Variants in SLC9A9 observed in about 807,000 individuals in gnomAD.
SLC9A9 encodes the protein solute carrier family 9 member A9.
Under a neutral mutation model 77.8 loss-of-function variants are expected in SLC9A9, and 62 were observed. The ratio of observed to expected loss-of-function variants is 0.80; its 90% CI spans 0.65 to 0.98. The LOEUF is 0.98. SLC9A9 is among the 50% of genes least tolerant of loss of function. The pLI, the probability that SLC9A9 is intolerant of heterozygous loss-of-function variation, is 0.00. For missense variants in SLC9A9, 775 were observed against 774.9 expected, an observed-to-expected ratio of 1.00 and a Z score of 0.00; for synonymous variants, 320 against 283.5, an observed-to-expected ratio of 1.13 and a Z score of -1.29.
chr3:143,695,619 A>G (rs995558322), intron 4 of SLC9A9, among the ~76,000 whole-genome samples: 2 of 152,134 alleles, frequency 1.3e-5, no homozygotes, highest in African/African-American at 2.4e-5. Context: ...AGTCTTTGCT[A>G]TCGTGAATAA....
chr3:143,336,750 G>C (rs1412309872), intron 14 of SLC9A9, among the ~76,000 whole-genome samples: 1 of 152,116 alleles, frequency 6.6e-6, no homozygotes, highest in Non-Finnish European at 1.5e-5. Context: ...GGGGGAAATG[G>C]GGAATTGTTC....
At chr3:143,295,018 G>C (rs1377022340) in intron 14 of SLC9A9, among the ~76,000 whole-genome samples, 1 of 152,210 alleles carries the variant, frequency 6.6e-6, no homozygotes, top group Admixed American at 6.5e-5. Flanking sequence ...TAGTGATTTA[G>C]AAAAAGCTGA....
At chr3:143,695,710 C>T (rs192537617) in intron 4 of SLC9A9, among the ~76,000 whole-genome samples, 1 of 152,210 alleles carries the variant, frequency 6.6e-6, no homozygotes, top group East Asian at 1.9e-4. Context: ...AATGGGATTG[C>T]TGGGTCAAAT....
chr3:143,827,662 C>G (rs2009334006), intron 2 of SLC9A9, among the ~76,000 whole-genome samples: 1 of 152,170 alleles, frequency 6.6e-6, no homozygotes, highest in Non-Finnish European at 1.5e-5. Flanking sequence ...TACACGTGCT[C>G]TTATAAAATC....
intron 5 of SLC9A9, among the ~76,000 whole-genome samples, chr3:143,684,482 A>G (rs1009243644): frequency 1.3e-5 from 2 of 152,078 alleles, no homozygotes; most frequent in South Asian, 4.1e-4. Flanking sequence ...GAGTCTACCC[A>G]ATTTAGGAAC....
chr3:143,693,394 C>T, intron 4 of SLC9A9, 87 bp from the exon 5 acceptor site: 1 of 1,068,830 alleles, frequency 9.4e-7, no homozygotes, highest in Non-Finnish European at 1.4e-6. Flanking sequence ...TAATGTTTTT[C>T]CTGAATACGT....
chr3:143,824,608 A>C (rs1252921138), intron 2 of SLC9A9, among the ~76,000 whole-genome samples: 3 of 152,192 alleles, frequency 2.0e-5, no homozygotes, highest in African/African-American at 7.2e-5. Context: ...GTTAAACCCC[A>C]TGAGCACAAG....
At chr3:143,606,436 C>CTCTCTCTCTATATATATATA (rs1419410834) in intron 6 of SLC9A9, among the ~76,000 whole-genome samples, 43 of 54,204 alleles carry the variant, frequency 7.9e-4, no homozygotes, top group African/African-American at 2.8e-3. Flanking sequence ...CTCTCTCTCT[C>CTCTCTCTCTATATATATATA]TATATATATA....
intron 9 of SLC9A9, among the ~76,000 whole-genome samples, chr3:143,522,143 C>A (rs1038820212): frequency 1.3e-5 from 2 of 152,138 alleles, no homozygotes; most frequent in Non-Finnish European, 2.9e-5. Flanking sequence ...AAACCACAAA[C>A]CTCATAGTCA....
At chr3:143,358,551 C>T (rs555795938) in intron 14 of SLC9A9, among the ~76,000 whole-genome samples, 42 of 152,180 alleles carry the variant, frequency 2.8e-4, no homozygotes, top group African/African-American at 8.4e-4. Context: ...TTTATACACA[C>T]GTTTAAGGGG....
chr3:143,505,032 G>A (rs1372582417), intron 9 of SLC9A9, among the ~76,000 whole-genome samples: 2 of 152,128 alleles, frequency 1.3e-5, no homozygotes, highest in Non-Finnish European at 2.9e-5. Flanking sequence ...CAAGTCAGGG[G>A]TTGGCAGGGA....
chr3:143,695,776 G>C (rs1051959309), intron 4 of SLC9A9, among the ~76,000 whole-genome samples: 1 of 152,110 alleles, frequency 6.6e-6, no homozygotes, highest in East Asian at 1.9e-4. Flanking sequence ...CACAGTGGTT[G>C]AACTAATTTA....
At chr3:143,312,980 A>G (rs944507794) in intron 14 of SLC9A9, 3 of 152,246 alleles carry the variant, frequency 2.0e-5, no homozygotes, top group African/African-American at 7.2e-5. Flanking sequence ...AAGAAAGCTA[A>G]CTAATTCCTC....
intron 5 of SLC9A9, among the ~76,000 whole-genome samples, chr3:143,689,901 C>T (rs1933403273): frequency 6.6e-6 from 1 of 151,964 alleles, no homozygotes; most frequent in Non-Finnish European, 1.5e-5. Flanking sequence ...GTAAAGGAGA[C>T]AGGGAGAGAA....
chr3:143,672,192 T>A (rs2039166316), intron 5 of SLC9A9, among the ~76,000 whole-genome samples: 1 of 151,916 alleles, frequency 6.6e-6, no homozygotes, highest in Non-Finnish European at 1.5e-5. Context: ...CTTAAATTTT[T>A]TTTTTGTCTG....
At chr3:143,339,117 G>A (rs1183753689) in intron 14 of SLC9A9, among the ~76,000 whole-genome samples, 1 of 152,130 alleles carries the variant, frequency 6.6e-6, no homozygotes, top group East Asian at 1.9e-4. Flanking sequence ...CAGCTTTTGA[G>A]GGATGGAATT....
chr3:143,520,450 G>C (rs2036277747), intron 9 of SLC9A9, among the ~76,000 whole-genome samples: 1 of 152,200 alleles, frequency 6.6e-6, no homozygotes, highest in African/African-American at 2.4e-5. Flanking sequence ...CTTGGATTTA[G>C]AGTATAGAAA....
At chr3:143,694,513 T>C (rs1933570622) in intron 4 of SLC9A9, among the ~76,000 whole-genome samples, 1 of 152,172 alleles carries the variant, frequency 6.6e-6, no homozygotes, top group Admixed American at 6.6e-5. Flanking sequence ...ATCAAAATAG[T>C]AGGTAACATT....
chr3:143,542,427 C>A (rs115904751), intron 9 of SLC9A9, among the ~76,000 whole-genome samples: 1 of 152,100 alleles, frequency 6.6e-6, no homozygotes, highest in African/African-American at 2.4e-5. Flanking sequence ...GAGGCAGAGG[C>A]ATTGTTGCCC....
Sources: gnomAD v4.1 joint callset for allele counts (sites outside exome capture counted in the v4.1 genomes callset) on GRCh38, gnomAD v4.1.1 for gene constraint, MANE v1.5 for transcripts, NCBI Gene and HGNC (gene_info 2026-07-23, HGNC 2026-07-21) for gene names.